The following ATP5MJ variants were observed in gnomAD, a reference collection of about 807,000 sequenced individuals.
ATP5MJ encodes the protein ATP synthase F(0) complex subunit j, mitochondrial.
In ATP5MJ, 4 loss-of-function variants were observed where a neutral mutation model predicts 8.3. The ratio of observed to expected loss-of-function variants is 0.48; its 90% confidence interval spans 0.24 to 1.11. The LOEUF (loss-of-function observed/expected upper bound fraction) is 1.11. Among genes scored for constraint, ATP5MJ ranks in the 50% least tolerant of loss-of-function variants. ATP5MJ has a pLI of 0.18. For synonymous variants in ATP5MJ, 23 were observed against 21.3 expected, an observed-to-expected ratio of 1.08 and a Z score of -0.23; for missense variants, 66 against 71.8, an observed-to-expected ratio of 0.92 and a Z score of 0.29.
chr14:103,917,913 G>C (rs535152359), intron 1 of ATP5MJ: 1 of 152,206 alleles, frequency 6.6e-6, no homozygotes, highest in African/African-American at 2.4e-5. Flanking sequence ...TCCTGATGAC[G>C]AGAACCTACC....
intron 3 of ATP5MJ, chr14:103,913,010 C>T: frequency 3.1e-6 from 1 of 320,954 alleles, no homozygotes; most frequent in Non-Finnish European, 5.8e-6. Context: ...GTCACTCTGG[C>T]ATAAATTTAT....
intron 3 of ATP5MJ, chr14:103,913,742 TG>T (rs1270951081): frequency 5.0e-6 from 3 of 602,456 alleles, no homozygotes; most frequent in Non-Finnish European, 8.8e-6. Flanking sequence ...CTATTACTCC[TG>T]GAAGTTTTAC....
chr14:103,919,234 A>C (rs1464692211), intron 1 of ATP5MJ, among the ~76,000 whole-genome samples: 1 of 150,608 alleles, frequency 6.6e-6, no homozygotes, highest in East Asian at 2.0e-4. Context: ...TACAAAAACT[A>C]GCTGGGCATG....
At chr14:103,914,425 G>T in intron 2 of ATP5MJ, 1 of 571,152 alleles carries the variant, frequency 1.8e-6, no homozygotes, top group Non-Finnish European at 3.2e-6. Context: ...AAATATTTTA[G>T]CCTTCATCTC....
chr14:103,917,330 T>G (rs1420228846), intron 1 of ATP5MJ, among the ~76,000 whole-genome samples: 1 of 152,200 alleles, frequency 6.6e-6, no homozygotes, highest in African/African-American at 2.4e-5. Flanking sequence ...GTACTGTATA[T>G]TAAATGCTTG....
At position 103,912,432 on chromosome 14, in the gene ATP5MJ, G is replaced by A. The variant is rs879703017; in HGVS notation, c.*234C>T. The A allele has an allele frequency of 1.9e-6, 1 of 522,296 alleles. No individual in the cohort carries two copies. The highest frequency in any genetic ancestry group is 3.4e-6 in the Non-Finnish European group (1 of 291,338). 32.4% of individuals were successfully genotyped at this position (522,296 alleles called of 1,614,324 possible). On this transcript the variant is annotated 3_prime_UTR_variant, in exon 4 of 4. Transcript: ENST00000286953. ...CAGTGAGATTCTGATTGCATGCGCT[G>A]CATGACAAATTATCTACTCAGAGTA...
intron 1 of ATP5MJ, chr14:103,918,209 G>C (rs1299341131): frequency 5.3e-5 from 8 of 152,314 alleles, no homozygotes; most frequent in Admixed American, 5.2e-4. Flanking sequence ...CAGAGGCATG[G>C]AGTGAATCCC....
intron 1 of ATP5MJ, chr14:103,921,106 G>A: frequency 7.2e-7 from 1 of 1,379,990 alleles, no homozygotes; most frequent in South Asian, 1.2e-5. Context: ...GGAGAGAAGG[G>A]ACTGGATGTG....
rs2087600666 is a variant in ATP5MJ at position 103,913,744 on chromosome 14, GA to G, written c.148+216del. 1.0e-5 allele frequency: 6 copies of G among 600,682 alleles called. No homozygotes were observed. In the South Asian group the frequency reaches 1.1e-4, roughly 11 times the overall value. The allele number at this position is 600,682 out of a possible 1,614,324, so 37.2% of individuals were successfully genotyped here. On this transcript the variant is annotated intron_variant, in intron 3 of 3. Coordinates refer to ENST00000286953, the MANE Select transcript of ATP5MJ (RefSeq NM_004894.3). ...TTAATCCATTCCTCTATTACTCCTG[GA>G]AGTTTTACTTGATCCACTTGACTAT...
At chr14:103,920,128 A>G (rs973305121) in intron 1 of ATP5MJ, among the ~76,000 whole-genome samples, 1 of 92,034 alleles carries the variant, frequency 1.1e-5, no homozygotes. Context: ...TCCGGCCCCT[A>G]CTTTTTTTTT....
At chr14:103,919,195 T>C (rs1595878977) in intron 1 of ATP5MJ, among the ~76,000 whole-genome samples, 1 of 151,156 alleles carries the variant, frequency 6.6e-6, no homozygotes, top group Non-Finnish European at 1.5e-5. Context: ...CCAGCCTGGC[T>C]AACATGGCGA....
At chr14:103,919,697 C>T (rs1002015014) in intron 1 of ATP5MJ, among the ~76,000 whole-genome samples, 2 of 152,176 alleles carry the variant, frequency 1.3e-5, no homozygotes, top group African/African-American at 2.4e-5. Flanking sequence ...ACAAAATTAC[C>T]CTTAGTCCCC....
intron 1 of ATP5MJ, among the ~76,000 whole-genome samples, chr14:103,920,673 T>C (rs917653559): frequency 6.0e-5 from 9 of 150,550 alleles, no homozygotes; most frequent in Non-Finnish European, 1.2e-4. Context: ...CGTTTCACCA[T>C]GTTGGTAAGG....
At chr14:103,921,385 G>C (rs2087677333) in intron 1 of ATP5MJ, 85 bp downstream of exon 1, 1 of 264,062 alleles carries the variant, frequency 3.8e-6, no homozygotes, top group Non-Finnish European at 7.5e-6. Flanking sequence ...GGAACCCCAA[G>C]ATCAGCTGGG....
intron 1 of ATP5MJ, among the ~76,000 whole-genome samples, chr14:103,920,355 A>C (rs1026553342): frequency 3.6e-5 from 4 of 110,738 alleles, no homozygotes; most frequent in African/African-American, 1.4e-4. Context: ...GATGGTCTCG[A>C]TCTCTTGACC....
chr14:103,916,598 G>A (rs2087627619), intron 1 of ATP5MJ, among the ~76,000 whole-genome samples: 1 of 152,088 alleles, frequency 6.6e-6, no homozygotes, highest in Non-Finnish European at 1.5e-5. Context: ...CAGGTGTGGT[G>A]GTGCTTGCCT....
At chr14:103,918,745 G>C (rs907872986) in intron 1 of ATP5MJ, among the ~76,000 whole-genome samples, 1 of 152,130 alleles carries the variant, frequency 6.6e-6, no homozygotes, top group African/African-American at 2.4e-5. Context: ...AACCAAGGCC[G>C]GGAGCGGTAG....
chr14:103,919,537 G>A (rs1310847069), intron 1 of ATP5MJ, among the ~76,000 whole-genome samples: 1 of 152,156 alleles, frequency 6.6e-6, no homozygotes, highest in Non-Finnish European at 1.5e-5. Context: ...CCAGGTAGGG[G>A]CTTTGGACAG....
chr14:103,913,908 A>T (rs2152107071), intron 3 of ATP5MJ, 53 bp downstream of exon 3: 1 of 1,583,692 alleles, frequency 6.3e-7, no homozygotes. Context: ...TTGTCCTGAA[A>T]AGACATGATG....
Sources: allele counts gnomAD v4.1 joint callset (sites outside exome capture counted in the v4.1 genomes callset), GRCh38; gene constraint gnomAD v4.1.1; transcripts MANE v1.5; gene names NCBI Gene and HGNC (gene_info 2026-07-23, HGNC 2026-07-21).